The following RBM19 variants were observed in gnomAD, a reference collection of about 807,000 sequenced individuals.
RBM19 encodes the protein probable RNA-binding protein 19.
A neutral mutation model predicts 116.8 loss-of-function variants in RBM19; 94 were observed. The ratio of observed to expected loss-of-function variants is 0.80; its 90% CI spans 0.68 to 0.95. The LOEUF (loss-of-function observed/expected upper bound fraction) is 0.95. RBM19 is among the 40% of genes least tolerant of loss of function. The probability of loss-of-function intolerance (pLI) is 0.00; values close to 1 mark genes in which losing one functional copy is unlikely to be tolerated. For missense variants in RBM19, 1,161 were observed against 1,220.7 expected, an observed-to-expected ratio of 0.95 and a Z score of 0.73; for synonymous variants, 475 against 494.1, an observed-to-expected ratio of 0.96 and a Z score of 0.51.
intron 21 of RBM19, among the ~76,000 whole-genome samples, chr12:113,872,077 G>C (rs1484149425): frequency 2.7e-5 from 4 of 147,478 alleles, no homozygotes; most frequent in Admixed American, 2.7e-4. Context: ...TCTAGGAAGT[G>C]AGGAGCGCCT....
chr12:113,866,215 C>A (rs936412115), intron 21 of RBM19, among the ~76,000 whole-genome samples: 1 of 152,144 alleles, frequency 6.6e-6, no homozygotes, highest in African/African-American at 2.4e-5. Flanking sequence ...ATGGTGAGAG[C>A]CAGGTGTAGA....
chr12:113,864,505 G>A (rs1014113659), intron 21 of RBM19, among the ~76,000 whole-genome samples: 16 of 152,316 alleles, frequency 1.1e-4, no homozygotes, highest in Non-Finnish European at 1.8e-4. Context: ...TGGACCCATG[G>A]AACCATTCCC....
intron 5 of RBM19, 34 bp from the exon 6 acceptor site, chr12:113,958,084 C>A: frequency 6.3e-7 from 1 of 1,582,648 alleles, no homozygotes. Flanking sequence ...TCAGCGACAG[C>A]TATGAGCAAA....
intron 7 of RBM19, 50 bp downstream of exon 7, chr12:113,955,081 C>CGT: frequency 6.3e-7 from 1 of 1,581,608 alleles, no homozygotes; most frequent in Non-Finnish European, 8.7e-7. Flanking sequence ...TCCCCACCCT[C>CGT]GTCTCCTGCT....
intron 11 of RBM19, 141 bp downstream of exon 11, chr12:113,947,193 G>T: frequency 9.0e-7 from 1 of 1,108,356 alleles, no homozygotes; most frequent in Non-Finnish European, 1.2e-6. Flanking sequence ...GAGTGAGGCA[G>T]TGACTTAGCA....
intron 21 of RBM19, among the ~76,000 whole-genome samples, chr12:113,865,641 T>A (rs1308014102): frequency 6.6e-6 from 1 of 152,222 alleles, no homozygotes; most frequent in Non-Finnish European, 1.5e-5. Flanking sequence ...CTCATATAAC[T>A]GTATGTTCTT....
chr12:113,845,943 G>A (rs1235494383), intron 22 of RBM19, among the ~76,000 whole-genome samples: 1 of 152,212 alleles, frequency 6.6e-6, no homozygotes, highest in African/African-American at 2.4e-5. Flanking sequence ...CATAAAACGG[G>A]TATGTTCATA....
At chr12:113,829,889 C>G (rs1483199108) in intron 23 of RBM19, among the ~76,000 whole-genome samples, 1 of 152,214 alleles carries the variant, frequency 6.6e-6, no homozygotes, top group Non-Finnish European at 1.5e-5. Flanking sequence ...ATCCAGCTGC[C>G]CAAGATAAGG....
At chr12:113,835,385 C>T (rs533690231) in intron 23 of RBM19, among the ~76,000 whole-genome samples, 56 of 152,254 alleles carry the variant, frequency 3.7e-4, no homozygotes, top group South Asian at 6.2e-4. Context: ...AAGTGTCACA[C>T]GGAGAAGGAT....
intron 21 of RBM19, among the ~76,000 whole-genome samples, chr12:113,900,258 C>T (rs1325338836): frequency 6.6e-6 from 1 of 152,094 alleles, no homozygotes; most frequent in South Asian, 2.1e-4. Flanking sequence ...TCCACGTGGC[C>T]GTGGTTTGGG....
intron 10 of RBM19, among the ~76,000 whole-genome samples, chr12:113,948,279 C>T (rs10774727): frequency 0.16 from 24,965 of 152,150 alleles, 2,801 homozygotes; most frequent in African/African-American, 0.32. Flanking sequence ...GGTAACTCCA[C>T]AAACAAACAC....
chr12:113,924,882 G>A (rs775768986), intron 17 of RBM19, 125 bp from the exon 18 acceptor site: 21 of 757,308 alleles, frequency 2.8e-5, no homozygotes, highest in Non-Finnish European at 4.7e-5. Flanking sequence ...ACATTTTGAG[G>A]TGATGAGTGA....
intron 21 of RBM19, among the ~76,000 whole-genome samples, chr12:113,911,562 A>G (rs1286249645): frequency 2.0e-5 from 3 of 152,056 alleles, no homozygotes; most frequent in Non-Finnish European, 4.4e-5. Context: ...TTTATTAACT[A>G]CCTGTTACTC....
At chr12:113,921,166 G>T (rs1036748553) in intron 18 of RBM19, among the ~76,000 whole-genome samples, 3 of 152,186 alleles carry the variant, frequency 2.0e-5, no homozygotes, top group Non-Finnish European at 4.4e-5. Context: ...TATAAAGTTT[G>T]GATCATGTGG....
intron 18 of RBM19, among the ~76,000 whole-genome samples, chr12:113,924,204 T>C (rs562014959): frequency 9.9e-5 from 15 of 152,256 alleles, no homozygotes; most frequent in Admixed American, 2.0e-4. Flanking sequence ...GGGAGGTGCA[T>C]GGTTATTGAC....
chr12:113,922,765 T>C (rs1330256592), intron 18 of RBM19, among the ~76,000 whole-genome samples: 1 of 152,156 alleles, frequency 6.6e-6, no homozygotes, highest in Non-Finnish European at 1.5e-5. Flanking sequence ...CAGACTCACA[T>C]GTAGAATCCT....
intron 21 of RBM19, among the ~76,000 whole-genome samples, chr12:113,883,112 C>G (rs993394348): frequency 6.6e-6 from 1 of 152,222 alleles, no homozygotes; most frequent in Admixed American, 6.5e-5. Context: ...GGAGAAAAAA[C>G]AGAGAGATAA....
At chr12:113,964,149 T>G (rs117223864) in intron 1 of RBM19, among the ~76,000 whole-genome samples, 6,460 of 152,288 alleles carry the variant, frequency 0.042, 328 homozygotes, top group Admixed American at 0.15. Flanking sequence ...ATATCACAAG[T>G]ACTCACTACT....
chr12:113,938,568 G>T (rs533706762), intron 15 of RBM19, among the ~76,000 whole-genome samples: 2 of 152,316 alleles, frequency 1.3e-5, no homozygotes, highest in African/African-American at 4.8e-5. Flanking sequence ...CACCGCAAGG[G>T]TATGTCTATA....
Sources: gnomAD v4.1 joint callset for allele counts (sites outside exome capture counted in the v4.1 genomes callset) on GRCh38, gnomAD v4.1.1 for gene constraint, MANE v1.5 for transcripts, NCBI Gene and HGNC (gene_info 2026-07-23, HGNC 2026-07-21) for gene names.